Variants in PCM1 observed in about 807,000 individuals in gnomAD.
PCM1 encodes the protein pericentriolar material 1 protein.
PCM1 carries 157 observed loss-of-function variants against 241.9 expected under a neutral mutation model. That is an observed-to-expected ratio of 0.65 (90% CI 0.57 to 0.74). The LOEUF (loss-of-function observed/expected upper bound fraction) is 0.74. PCM1 is among the 30% of genes least tolerant of loss of function. PCM1 has a pLI of 0.00. For missense variants in PCM1, 3,478 were observed against 2,360.1 expected, an observed-to-expected ratio of 1.47 and a Z score of -9.81; for synonymous variants, 1,085 against 784.9, an observed-to-expected ratio of 1.38 and a Z score of -6.39.
chr8:17,925,823 T>G (rs2056728756), intron 2 of PCM1: 1 of 152,074 alleles, frequency 6.6e-6, no homozygotes, highest in Admixed American at 6.5e-5. Flanking sequence ...GGCAACAGAG[T>G]GTGACTCCGT....
At chr8:18,021,897 T>TCAGAG (rs2093784319) in intron 36 of PCM1, among the ~76,000 whole-genome samples, 1 of 152,202 alleles carries the variant, frequency 6.6e-6, no homozygotes, top group Non-Finnish European at 1.5e-5. Flanking sequence ...GACTCAATAC[T>TCAGAG]CTAAGACCTT....
chr8:17,998,708 AG>A (rs1463798801), intron 29 of PCM1, among the ~76,000 whole-genome samples: 1 of 152,146 alleles, frequency 6.6e-6, no homozygotes, highest in Non-Finnish European at 1.5e-5. Flanking sequence ...TCAAGGCCCT[AG>A]GGTTCCTACT....
intron 2 of PCM1, among the ~76,000 whole-genome samples, chr8:17,929,250 C>G (rs575487243): frequency 6.6e-6 from 1 of 152,302 alleles, no homozygotes; most frequent in Admixed American, 6.5e-5. Context: ...ACTTGATACA[C>G]TTTTCCCCTT....
chr8:17,935,598 T>G lies in PCM1; in HGVS notation c.-13T>G. On this transcript the variant is annotated 5_prime_UTR_variant, in exon 3 of 39. In the 5' UTR this introduces an upstream ATG that the reference lacks. Coordinates refer to ENST00000325083, the MANE Select transcript of PCM1 (RefSeq NM_006197.4). The stretch of plus-strand genomic sequence containing the variant: ...TTAACTTGTTTCGCAGAGAGTTAAT[T>G]GTTAAATCCAGTATGGCCACAGGAG... 1 of 1,242,760 alleles carries G rather than the reference T, an allele frequency of 8.0e-7. No individual in the cohort carries two copies. The highest frequency in any genetic ancestry group is 1.2e-6 in the Non-Finnish European group (1 of 843,162). 77.0% of individuals were successfully genotyped at this position (1,242,760 alleles called of 1,614,324 possible).
Position 17,966,140 on chromosome 8 carries a change from G to C in PCM1, c.2997G>C (p.Trp999Cys), listed in dbSNP as rs566797907. ...ELSYVEEKEQ[W>C]QEQINQLKKQ... is the part of the protein sequence containing the mutation. ...CTTACGTAGAAGAGAAAGAACAATG[G>C]CAAGAACAAATCAATCAGCTAAAGA... The change falls in exon 19 of 39, where the codon TGG becomes TGC. Residue 999 changes from tryptophan to cysteine, a missense_variant. Coordinates refer to ENST00000325083, the MANE Select transcript of PCM1 (RefSeq NM_006197.4). The C allele has an allele frequency of 6.2e-7, 1 of 1,613,754 alleles. No individual in the cohort carries two copies. Among genetic ancestry groups the C allele is most frequent in the Non-Finnish European group, 8.5e-7 (1 of 1,179,846 alleles).
At chr8:17,986,971 T>G (rs1306302629) in intron 26 of PCM1, among the ~76,000 whole-genome samples, 1 of 151,832 alleles carries the variant, frequency 6.6e-6, no homozygotes, top group African/African-American at 2.4e-5. Flanking sequence ...TCTTTCCTTT[T>G]CAGATACAGT....
rs756457844 is a variant in PCM1, at chr8:18,027,993, A to G, written c.*331A>G. On this transcript the variant is annotated 3_prime_UTR_variant, in exon 39 of 39. Transcript: ENST00000325083. The stretch of plus-strand genomic sequence containing the variant: ...ATAAAGTATCTTTTTTGGAAATTAT[A>G]TTGAATTCTATACAGCAAGTCAATG... The G allele has an allele frequency of 2.3e-5, 6 of 259,886 alleles. No individual in the cohort carries two copies. Among genetic ancestry groups the G allele is most frequent in the Non-Finnish European group, 2.9e-5 (4 of 136,988 alleles). The allele number at this position is 259,886 out of a possible 1,614,324, so 16.1% of individuals were successfully genotyped here.
chr8:17,930,427 G>T (rs1445752252), intron 2 of PCM1, among the ~76,000 whole-genome samples: 1 of 151,880 alleles, frequency 6.6e-6, no homozygotes, highest in African/African-American at 2.4e-5. Flanking sequence ...TTCTGTACTT[G>T]TAAGTACTAG....
chr8:17,947,401 G>T, intron 7 of PCM1, 38 bp downstream of exon 7: 2 of 1,404,812 alleles, frequency 1.4e-6, no homozygotes, highest in Non-Finnish European at 2.0e-6. Context: ...TTGTAAGGAA[G>T]ACTCATACAT....
At chr8:17,982,843 G>A (rs184948187) in intron 24 of PCM1, among the ~76,000 whole-genome samples, 10 of 152,082 alleles carry the variant, frequency 6.6e-5, no homozygotes, top group African/African-American at 2.4e-4. Context: ...ATTCCTTATA[G>A]CATGTAAGGC....
At position 18,029,599 on chromosome 8, in the gene PCM1, AGCT is replaced by A. The variant is rs1458061330; in HGVS notation, c.*1941_*1943del. 3.4e-5 allele frequency: 7 copies of A among 204,998 alleles called. No homozygotes were observed. The highest frequency in any genetic ancestry group is 7.4e-5 in the East Asian group (1 of 13,542). The allele number at this position is 204,998 out of a possible 1,614,324, so 12.7% of individuals were successfully genotyped here. A position where few individuals can be genotyped will look rare whatever the true frequency, so the allele number is the denominator to read the frequency against. On this transcript the variant is annotated 3_prime_UTR_variant, in exon 39 of 39. Coordinates refer to ENST00000325083, the MANE Select transcript of PCM1 (RefSeq NM_006197.4). ...AAATTGCTTATTTGACTGGTGTTAC[AGCT>A]GCTATTAATCTAAGTCTATTGTTTT...
At chr8:18,017,183 C>T (rs411298) in intron 36 of PCM1, among the ~76,000 whole-genome samples, 12,020 of 152,162 alleles carry the variant, frequency 0.079, 698 homozygotes, top group African/African-American at 0.16. Flanking sequence ...ATGGTCTTTC[C>T]ACAAAAGATT....
At chr8:17,933,943 A>G (rs957956193) in intron 2 of PCM1, among the ~76,000 whole-genome samples, 9 of 152,148 alleles carry the variant, frequency 5.9e-5, no homozygotes, top group African/African-American at 2.2e-4. Context: ...GAGAATTATT[A>G]AAGTAATATA....
chr8:17,943,694 C>G (rs2129451929), intron 6 of PCM1, among the ~76,000 whole-genome samples: 1 of 152,134 alleles, frequency 6.6e-6, no homozygotes, highest in African/African-American at 2.4e-5. Flanking sequence ...TGTTAGTATT[C>G]TATTTGTAAA....
intron 29 of PCM1, among the ~76,000 whole-genome samples, chr8:18,002,064 CT>C (rs1208413264): frequency 2.0e-4 from 2 of 10,128 alleles, no homozygotes; most frequent in Non-Finnish European, 3.0e-4. Context: ...TTTTTTTTTT[CT>C]TTTTTTTTTT....
chr8:17,980,693 G>A lies in PCM1; in HGVS notation c.4046G>A (p.Arg1349Lys). Residue 1349 changes from arginine to lysine, a missense_variant, in exon 24 of 39, where the codon AGA becomes AAA. By Grantham distance (26) the Arg-to-Lys change is conservative. Coordinates refer to ENST00000325083, the MANE Select transcript of PCM1 (RefSeq NM_006197.4). ...CCTGTTCAAGCAAAAGTATTCAGCAGAAAGAATCATGAGCAACTGGAAAAA... is the reference window on the plus strand; with the variant it reads ...CCTGTTCAAGCAAAAGTATTCAGCAAAAAGAATCATGAGCAACTGGAAAAA... Reference protein sequence around the residue: ...EEPVQAKVFSRKNHEQLEKII... With the variant: ...EEPVQAKVFSKKNHEQLEKII... The A allele has an allele frequency of 1.2e-6, 2 of 1,613,036 alleles. No homozygotes were observed. Among genetic ancestry groups the A allele is most frequent in the South Asian group, 1.1e-5 (1 of 91,012 alleles).
At chr8:18,024,309 T>TTCTA (rs1358376723) in intron 36 of PCM1, among the ~76,000 whole-genome samples, 3 of 152,092 alleles carry the variant, frequency 2.0e-5, no homozygotes, top group African/African-American at 7.3e-5. Flanking sequence ...TAGACTATGG[T>TTCTA]GAACTATGAT....
At chr8:17,962,989 G>C in intron 16 of PCM1, 112 bp from the exon 17 acceptor site, 1 of 676,388 alleles carries the variant, frequency 1.5e-6, no homozygotes. Context: ...GTGAAAAGGA[G>C]AGAATGAGAA....
At chr8:17,980,044 T>C (rs2129475036) in intron 23 of PCM1, among the ~76,000 whole-genome samples, 1 of 151,962 alleles carries the variant, frequency 6.6e-6, no homozygotes, top group Non-Finnish European at 1.5e-5. Context: ...TATAGCCACC[T>C]ATCCATGTGG....
Sources: allele counts gnomAD v4.1 joint callset (sites outside exome capture counted in the v4.1 genomes callset), GRCh38; gene constraint gnomAD v4.1.1; transcripts MANE v1.5; gene names NCBI Gene and HGNC (gene_info 2026-07-23, HGNC 2026-07-21).